Variants in CAMKMT observed in about 807,000 individuals in gnomAD.
The protein encoded by CAMKMT is CaM KMT.
A neutral mutation model predicts 48.0 loss-of-function variants in CAMKMT; 53 were observed. That is an observed-to-expected ratio of 1.10 (90% CI 0.89 to 1.39). CAMKMT has a LOEUF of 1.39. Among genes scored for constraint, CAMKMT ranks in the 40% most tolerant of loss-of-function variants. CAMKMT has a pLI of 0.00. For synonymous variants in CAMKMT, 165 were observed against 152.3 expected (o/e 1.08, Z -0.61); for missense variants, 428 against 402.7 (o/e 1.06, Z -0.54).
intron 3 of CAMKMT, among the ~76,000 whole-genome samples, chr2:44,430,925 A>G (rs145872648): frequency 0.017 from 2,591 of 152,352 alleles, 64 homozygotes; most frequent in African/African-American, 0.058. Context: ...TATAAGAGCT[A>G]TCAACACTGT....
At chr2:44,738,227 C>T (rs890048115) in intron 7 of CAMKMT, among the ~76,000 whole-genome samples, 2 of 152,252 alleles carry the variant, frequency 1.3e-5, no homozygotes, top group African/African-American at 4.8e-5. Context: ...TGGAAACTCT[C>T]AAGGCAGTAA....
chr2:44,377,824 G>A (rs749117698), intron 2 of CAMKMT, among the ~76,000 whole-genome samples: 1 of 151,962 alleles, frequency 6.6e-6, no homozygotes, highest in African/African-American at 2.4e-5. Context: ...GCACTACACC[G>A]AGATCATACC....
intron 3 of CAMKMT, among the ~76,000 whole-genome samples, chr2:44,500,271 C>A (rs951988578): frequency 1.3e-5 from 2 of 152,116 alleles, no homozygotes; most frequent in East Asian, 3.8e-4. Flanking sequence ...TAAATATAAG[C>A]ATACAGTTAA....
intron 3 of CAMKMT, among the ~76,000 whole-genome samples, chr2:44,647,907 CAAAAAAAAAAAAA>C (rs756753917): frequency 6.8e-5 from 2 of 29,518 alleles, no homozygotes; most frequent in African/African-American, 2.4e-4. Flanking sequence ...GACTCCGTCT[CAAAAAAAAAAAAA>C]AAAAAAAAAA....
intron 3 of CAMKMT, among the ~76,000 whole-genome samples, chr2:44,651,397 T>A (rs79123779): frequency 0.018 from 2,768 of 152,276 alleles, 64 homozygotes; most frequent in African/African-American, 0.057. Flanking sequence ...AGTTGCATGT[T>A]TTTTAGCCAG....
chr2:44,695,631 A>G (rs1454738998), intron 3 of CAMKMT, among the ~76,000 whole-genome samples: 1 of 152,200 alleles, frequency 6.6e-6, no homozygotes, highest in Non-Finnish European at 1.5e-5. Flanking sequence ...AAACCTCTAC[A>G]TAGGGATGTT....
chr2:44,443,838 G>T (rs1666821136), intron 3 of CAMKMT, among the ~76,000 whole-genome samples: 1 of 152,146 alleles, frequency 6.6e-6, no homozygotes, highest in African/African-American at 2.4e-5. Flanking sequence ...CATATGTATG[G>T]CAAAAGCTTT....
intron 3 of CAMKMT, among the ~76,000 whole-genome samples, chr2:44,409,775 T>C (rs1683062692): frequency 6.6e-6 from 1 of 152,204 alleles, no homozygotes; most frequent in South Asian, 2.1e-4. Flanking sequence ...AATCACTGTT[T>C]TTTTAATTGT....
intron 3 of CAMKMT, among the ~76,000 whole-genome samples, chr2:44,613,183 T>C (rs1358641261): frequency 6.6e-6 from 1 of 152,244 alleles, no homozygotes; most frequent in African/African-American, 2.4e-5. Context: ...ATGTTTGTTT[T>C]TTATTTATGT....
At chr2:44,717,486 A>G (rs1197377068) in intron 7 of CAMKMT, among the ~76,000 whole-genome samples, 1 of 152,180 alleles carries the variant, frequency 6.6e-6, no homozygotes, top group Admixed American at 6.6e-5. Context: ...TTTCCCACCC[A>G]TAACCAGTAC....
At chr2:44,494,575 A>T (rs556615058) in intron 3 of CAMKMT, among the ~76,000 whole-genome samples, 4 of 152,220 alleles carry the variant, frequency 2.6e-5, no homozygotes, top group Non-Finnish European at 5.9e-5. Flanking sequence ...CAGTGCTAAC[A>T]TGCAATTCAA....
chr2:44,641,459 C>T (rs1221929196), intron 3 of CAMKMT, among the ~76,000 whole-genome samples: 1 of 151,942 alleles, frequency 6.6e-6, no homozygotes, highest in Non-Finnish European at 1.5e-5. Flanking sequence ...CAACCCCAGA[C>T]CTAAGGCAGT....
chr2:44,470,648 T>C (rs915589580), intron 3 of CAMKMT, among the ~76,000 whole-genome samples: 6 of 152,216 alleles, frequency 3.9e-5, no homozygotes, highest in African/African-American at 1.4e-4. Flanking sequence ...AATTTTGCTA[T>C]ACATTAATAA....
At chr2:44,435,164 T>G (rs1376122268) in intron 3 of CAMKMT, among the ~76,000 whole-genome samples, 1 of 152,208 alleles carries the variant, frequency 6.6e-6, no homozygotes, top group Non-Finnish European at 1.5e-5. Flanking sequence ...GTAACCTCGA[T>G]TTTATAAAAA....
chr2:44,660,721 C>A (rs1278795016), intron 3 of CAMKMT, among the ~76,000 whole-genome samples: 1 of 152,138 alleles, frequency 6.6e-6, no homozygotes, highest in South Asian at 2.1e-4. Context: ...GATCCTCTCA[C>A]CTCAGCTTCC....
chr2:44,671,207 C>G (rs1409754934), intron 3 of CAMKMT, among the ~76,000 whole-genome samples: 1 of 152,126 alleles, frequency 6.6e-6, no homozygotes, highest in African/African-American at 2.4e-5. Context: ...AGTACCTAGT[C>G]TCCTTCCCCA....
chr2:44,694,108 G>A (rs2104231425), intron 3 of CAMKMT, among the ~76,000 whole-genome samples: 1 of 152,310 alleles, frequency 6.6e-6, no homozygotes, highest in Middle Eastern at 3.4e-3. Context: ...AAAGCCTTAG[G>A]ACTGTCCTCC....
intron 3 of CAMKMT, among the ~76,000 whole-genome samples, chr2:44,596,066 C>T (rs1273110050): frequency 1.3e-5 from 2 of 151,576 alleles, no homozygotes; most frequent in African/African-American, 4.9e-5. Flanking sequence ...AGCAAACCAC[C>T]ATGGCACGTA....
At chr2:44,441,650 T>C (rs902889299) in intron 3 of CAMKMT, among the ~76,000 whole-genome samples, 42 of 152,332 alleles carry the variant, frequency 2.8e-4, no homozygotes, top group Non-Finnish European at 4.6e-4. Context: ...GATTGGTGCA[T>C]TGATATTTGT....
Sources: allele counts gnomAD v4.1 joint callset (sites outside exome capture counted in the v4.1 genomes callset), GRCh38; gene constraint gnomAD v4.1.1; transcripts MANE v1.5; gene names NCBI Gene and HGNC (gene_info 2026-07-23, HGNC 2026-07-21).